The following ANKRD42 variants were observed in gnomAD, a reference collection of about 807,000 sequenced individuals.
ANKRD42 encodes the protein ankyrin repeat domain 42.
ANKRD42 carries 43 observed loss-of-function variants against 51.5 expected under a neutral mutation model. The observed-to-expected ratio is 0.83, with a 90% CI of 0.65 to 1.08. The LOEUF is 1.08. Among genes scored for constraint, ANKRD42 ranks in the 50% least tolerant of loss-of-function variants. The probability of loss-of-function intolerance (pLI) is 0.00; values close to 1 mark genes in which losing one functional copy is unlikely to be tolerated. For synonymous variants in ANKRD42, 203 were observed against 213.0 expected (o/e 0.95, Z 0.41); for missense variants, 608 against 629.3 (o/e 0.97, Z 0.36).
At position 83,193,799 on chromosome 11, in the gene ANKRD42, C is replaced by CG; in HGVS notation, c.-870dup. 1 of 454,282 alleles carries CG rather than the reference C, an allele frequency of 2.2e-6. No homozygotes were observed. Among genetic ancestry groups the CG allele is most frequent in the Non-Finnish European group, 4.4e-6 (1 of 225,806 alleles). 28.1% of individuals were successfully genotyped at this position (454,282 alleles called of 1,614,324 possible). A position where few individuals can be genotyped will look rare whatever the true frequency, so the allele number is the denominator to read the frequency against. ...GAAAGAGACTCCGAGAAAGTACCAG[C>CG]GGAAGGCGGCCGCCGCTACGGCGAT... On this transcript the variant is annotated 5_prime_UTR_variant, in exon 1 of 11. Transcript: ENST00000533342.
At chr11:83,208,611 C>G (rs138954339) in intron 3 of ANKRD42, among the ~76,000 whole-genome samples, 1,775 of 151,996 alleles carry the variant, frequency 0.012, 41 homozygotes, top group African/African-American at 0.041. Context: ...AGAAAATGAG[C>G]CAAGATATCT....
At chr11:83,237,573 G>C (rs1863260936) in intron 8 of ANKRD42, among the ~76,000 whole-genome samples, 2 of 152,170 alleles carry the variant, frequency 1.3e-5, no homozygotes, top group Admixed American at 1.3e-4. Flanking sequence ...CCAATCATTT[G>C]CTAAGTTGCC....
rs1354929104 is a variant in ANKRD42 at position 83,194,618 on chromosome 11, G to A, written c.-53G>A. On this transcript the variant is annotated 5_prime_UTR_variant, in exon 1 of 11. Coordinates refer to ENST00000533342, the MANE Select transcript of ANKRD42 (RefSeq NM_001300975.2). ...TGGGTGAGAGCAAGTGAAGACCGCC[G>A]CAGCATCAGGGGCCTGGACTCAACT... The A allele has an allele frequency of 1.7e-5, 27 of 1,585,088 alleles. No homozygotes were observed. Among genetic ancestry groups the A allele is most frequent in the Non-Finnish European group, 2.3e-5 (27 of 1,156,762 alleles).
chr11:83,209,237 TTA>T (rs1235357098), intron 3 of ANKRD42, among the ~76,000 whole-genome samples: 1 of 152,308 alleles, frequency 6.6e-6, no homozygotes, highest in Non-Finnish European at 1.5e-5. Flanking sequence ...GTCTTATAAA[TTA>T]TATATACATG....
At chr11:83,197,741 A>G (rs190510385) in intron 1 of ANKRD42, among the ~76,000 whole-genome samples, 4 of 152,376 alleles carry the variant, frequency 2.6e-5, no homozygotes, top group Admixed American at 2.0e-4. Flanking sequence ...TAATTAAATT[A>G]TAAAATATGA....
chr11:83,257,777 C>A (rs1489219764), downstream of ANKRD42, among the ~76,000 whole-genome samples: 1 of 152,166 alleles, frequency 6.6e-6, no homozygotes, highest in African/African-American at 2.4e-5. Context: ...CTAATTTCTT[C>A]CTGTACCAGT....
chr11:83,243,024 T>C (rs1259969290), intron 9 of ANKRD42, among the ~76,000 whole-genome samples: 1 of 152,242 alleles, frequency 6.6e-6, no homozygotes, highest in African/African-American at 2.4e-5. Flanking sequence ...TATTCCTTTC[T>C]GTTTTGAGTT....
chr11:83,196,619 T>G (rs958581700), intron 1 of ANKRD42, among the ~76,000 whole-genome samples: 1 of 152,230 alleles, frequency 6.6e-6, no homozygotes, highest in Admixed American at 6.5e-5. Flanking sequence ...CAGGTTCCTA[T>G]GAATATTTCC....
In ANKRD42 at chr11:83,240,789, A is replaced by G. The variant is rs1401062416; in HGVS notation, c.1050A>G (p.Leu350=). 1.2e-6 allele frequency: 2 copies of G among 1,613,984 alleles called. No homozygotes were observed. Among genetic ancestry groups the G allele is most frequent in the Admixed American group, 3.3e-5 (2 of 60,010 alleles). The change falls in exon 9 of 11, where the codon TTA becomes TTG. Residue 350 remains leucine (L), a synonymous_variant. Transcript: ENST00000533342. ...CCCATTTGGCAGCAGTGAAGCTGTT[A>G]GAGGAGCTACAGAAATATGATATAG... ...RFAHLAAVKL[L]EELQKYDIDD...
intron 5 of ANKRD42, chr11:83,214,456 C>A (rs1008204452): frequency 1.0e-6 from 1 of 980,668 alleles, no homozygotes; most frequent in Non-Finnish European, 1.2e-6. Context: ...ATTAAAAAAT[C>A]CAATTGTTTC....
At chr11:83,211,911 A>T (rs1185558412) in intron 5 of ANKRD42, among the ~76,000 whole-genome samples, 1 of 152,108 alleles carries the variant, frequency 6.6e-6, no homozygotes, top group Non-Finnish European at 1.5e-5. Flanking sequence ...CACCCATCTT[A>T]TGTACCTTTC....
chr11:83,239,642 C>T (rs1218651488), intron 8 of ANKRD42, among the ~76,000 whole-genome samples: 3 of 131,286 alleles, frequency 2.3e-5, no homozygotes, highest in Non-Finnish European at 3.2e-5. Context: ...GTTTAAAAGA[C>T]TATCCTTTCT....
At chr11:83,200,996 T>A (rs1166915685) in intron 2 of ANKRD42, among the ~76,000 whole-genome samples, 39 of 152,312 alleles carry the variant, frequency 2.6e-4, no homozygotes, top group Non-Finnish European at 1.2e-4. Flanking sequence ...TCTTTTTTTT[T>A]AATACTTTAA....
chr11:83,206,215 G>C (rs372211675), intron 3 of ANKRD42, 50 bp downstream of exon 3: 2 of 1,387,144 alleles, frequency 1.4e-6, no homozygotes, highest in Non-Finnish European at 2.0e-6. Context: ...ACATAGTTCT[G>C]TTGGGATATT....
rs952613976 is a variant in ANKRD42, at chr11:83,206,219, G to T, written c.330+54G>T. On this transcript the variant is annotated intron_variant, in intron 3 of 10. Transcript: ENST00000533342. ...CAATTACTTTAACATAGTTCTGTTG[G>T]GATATTGCTATTATTCTAATTATTT... 3 of 1,356,138 alleles carry T rather than the reference G, an allele frequency of 2.2e-6. No homozygotes were observed. The African/African-American group carries it at 4.4e-5, about 20-fold the overall frequency. 84.0% of individuals were successfully genotyped at this position (1,356,138 alleles called of 1,614,324 possible).
chr11:83,245,456 G>A (rs1242043718), intron 9 of ANKRD42, 42 bp from the exon 10 acceptor site: 6 of 1,529,980 alleles, frequency 3.9e-6, no homozygotes, highest in Non-Finnish European at 5.2e-6. Flanking sequence ...CACATGAGCT[G>A]TTATATGTCT....
intron 11 of ANKRD42, chr11:83,255,723 T>A (rs1284800191): frequency 1.5e-6 from 1 of 667,590 alleles, no homozygotes; most frequent in African/African-American, 1.8e-5. Context: ...TAAAAGAAAT[T>A]TAATCAGAGT....
intron 10 of ANKRD42, among the ~76,000 whole-genome samples, chr11:83,246,158 C>T (rs1178876800): frequency 6.6e-6 from 1 of 152,164 alleles, no homozygotes; most frequent in Non-Finnish European, 1.5e-5. Flanking sequence ...ATCATGGATG[C>T]AACCAAACTT....
At chr11:83,239,059 A>T (rs750682207) in intron 8 of ANKRD42, among the ~76,000 whole-genome samples, 18 of 152,050 alleles carry the variant, frequency 1.2e-4, no homozygotes, top group African/African-American at 4.3e-4. Flanking sequence ...CTGTTGTTCT[A>T]CATTCTCACC....
Sources: allele counts gnomAD v4.1 joint callset (sites outside exome capture counted in the v4.1 genomes callset), GRCh38; gene constraint gnomAD v4.1.1; transcripts MANE v1.5; gene names NCBI Gene and HGNC (gene_info 2026-07-23, HGNC 2026-07-21).